The following NELL2 variants were observed in gnomAD, a reference collection of about 807,000 sequenced individuals.
NELL2 encodes neural EGFL like 2.
NELL2 carries 41 observed loss-of-function variants against 109.6 expected under a neutral mutation model. The ratio of observed to expected loss-of-function variants is 0.37; its 90% CI spans 0.29 to 0.49. The LOEUF is 0.49. Ranked by LOEUF, NELL2 falls within the 20% of genes least tolerant of loss-of-function variation. The pLI is 0.98. For synonymous variants in NELL2, 355 were observed against 344.7 expected (o/e 1.03, Z -0.33); for missense variants, 900 against 1,008.3 (o/e 0.89, Z 1.45).
intron 9 of NELL2, among the ~76,000 whole-genome samples, chr12:44,767,651 GAAATA>G (rs1259261326): frequency 6.6e-6 from 1 of 152,040 alleles, no homozygotes; most frequent in Non-Finnish European, 1.5e-5. Flanking sequence ...AGAGAGGGAA[GAAATA>G]AAATAATAAA....
chr12:44,668,060 C>T (rs1286553107), intron 12 of NELL2, among the ~76,000 whole-genome samples: 2 of 152,108 alleles, frequency 1.3e-5, no homozygotes, highest in East Asian at 3.9e-4. Flanking sequence ...TCCTGAGGCC[C>T]AAAAGCCCCT....
At chr12:44,546,217 C>T (rs1334441329) in intron 15 of NELL2, among the ~76,000 whole-genome samples, 2 of 152,114 alleles carry the variant, frequency 1.3e-5, no homozygotes, top group South Asian at 2.1e-4. Context: ...CTCACTGATG[C>T]CAATAAACAA....
At chr12:44,848,009 C>A (rs551102138) in intron 2 of NELL2, among the ~76,000 whole-genome samples, 1 of 135,972 alleles carries the variant, frequency 7.4e-6, no homozygotes, top group East Asian at 2.1e-4. Context: ...CCGGTCTGGG[C>A]GACAGAGTGA....
At chr12:44,574,738 G>A (rs1285839947) in intron 15 of NELL2, among the ~76,000 whole-genome samples, 1 of 152,014 alleles carries the variant, frequency 6.6e-6, no homozygotes, top group African/African-American at 2.4e-5. Context: ...TCAGAGATTT[G>A]GCACATATGT....
At chr12:44,632,991 A>C (rs1465062185) in intron 13 of NELL2, among the ~76,000 whole-genome samples, 1 of 152,134 alleles carries the variant, frequency 6.6e-6, no homozygotes, top group African/African-American at 2.4e-5. Context: ...AAAAACCAAA[A>C]TAGGGAGAAT....
chr12:44,738,118 T>C (rs1214866040), intron 9 of NELL2, among the ~76,000 whole-genome samples: 2 of 152,146 alleles, frequency 1.3e-5, no homozygotes, highest in Non-Finnish European at 1.5e-5. Context: ...CTTGAACATA[T>C]CTCTAACACG....
chr12:44,744,931 G>A (rs964882428), intron 9 of NELL2, among the ~76,000 whole-genome samples: 1 of 152,112 alleles, frequency 6.6e-6, no homozygotes, highest in African/African-American at 2.4e-5. Context: ...GAAAAAGAGG[G>A]AATCCTCCCT....
chr12:44,855,407 C>T (rs1944654694), intron 2 of NELL2, among the ~76,000 whole-genome samples: 1 of 152,164 alleles, frequency 6.6e-6, no homozygotes, highest in Non-Finnish European at 1.5e-5. Context: ...TAGAATAACA[C>T]AAAATCAGTC....
chr12:44,686,999 C>T (rs533433109), intron 12 of NELL2, among the ~76,000 whole-genome samples: 20 of 152,312 alleles, frequency 1.3e-4, no homozygotes, highest in African/African-American at 4.1e-4. Flanking sequence ...CAATGGTGGG[C>T]GCCCCTCCCC....
intron 19 of NELL2, among the ~76,000 whole-genome samples, chr12:44,516,015 T>C (rs1941241439): frequency 6.6e-6 from 1 of 151,856 alleles, no homozygotes; most frequent in East Asian, 1.9e-4. Flanking sequence ...ATTATTATCA[T>C]GACCAGTACT....
At chr12:44,567,432 T>C (rs1293928218) in intron 15 of NELL2, among the ~76,000 whole-genome samples, 1 of 152,166 alleles carries the variant, frequency 6.6e-6, no homozygotes, top group African/African-American at 2.4e-5. Context: ...AAAAAATTGT[T>C]CTTGAAATAG....
intron 3 of NELL2, among the ~76,000 whole-genome samples, chr12:44,815,112 AT>A (rs2094600715): frequency 6.6e-6 from 1 of 152,182 alleles, no homozygotes. Flanking sequence ...AGAAGGAATA[AT>A]CTTAAACTAT....
chr12:44,660,557 T>C (rs1161156260), intron 13 of NELL2, among the ~76,000 whole-genome samples: 1 of 152,164 alleles, frequency 6.6e-6, no homozygotes, highest in Non-Finnish European at 1.5e-5. Context: ...CTCCAGATAT[T>C]TTCAAGTATC....
chr12:44,562,953 TG>T (rs1943522223), intron 15 of NELL2, among the ~76,000 whole-genome samples: 1 of 152,190 alleles, frequency 6.6e-6, no homozygotes, highest in South Asian at 2.1e-4. Flanking sequence ...AAAGAAAATG[TG>T]GCACATATAT....
chr12:44,836,169 G>A (rs1566500481), intron 2 of NELL2, among the ~76,000 whole-genome samples: 1 of 152,196 alleles, frequency 6.6e-6, no homozygotes, highest in Non-Finnish European at 1.5e-5. Flanking sequence ...CAACAGATTG[G>A]AACACACAGA....
chr12:44,747,594 C>T (rs1019705698), intron 9 of NELL2, among the ~76,000 whole-genome samples: 2 of 151,978 alleles, frequency 1.3e-5, no homozygotes, highest in South Asian at 4.1e-4. Flanking sequence ...CAAATTTATA[C>T]GTGGATTTTT....
chr12:44,847,048 A>G (rs1203169791), intron 2 of NELL2, among the ~76,000 whole-genome samples: 1 of 152,198 alleles, frequency 6.6e-6, no homozygotes, highest in African/African-American at 2.4e-5. Flanking sequence ...CTCCCATACT[A>G]TGCAATGCCT....
At chr12:44,553,357 C>T (rs1413617137) in intron 15 of NELL2, among the ~76,000 whole-genome samples, 4 of 151,838 alleles carry the variant, frequency 2.6e-5, no homozygotes, top group Non-Finnish European at 5.9e-5. Flanking sequence ...ACCTTTGACC[C>T]TAAGAAAGTA....
Position 44,717,722 on chromosome 12 carries a change from G to A in NELL2, c.995-2981C>T, listed in dbSNP as rs1034654633. The stretch of plus-strand genomic sequence containing the variant: ...ATGGAGGAGAGGCTGCCTTGTAAAA[G>A]CTGTAATCATGAGAGCACAGCTACT... On this transcript the variant is annotated intron_variant, in intron 9 of 19. Transcript: ENST00000429094. Among the ~76,000 whole-genome samples the A allele has an allele frequency of 2.0e-5, 3 of 152,186 alleles. No homozygotes were observed. In the South Asian group the frequency reaches 6.2e-4, roughly 32 times the overall value.
Sources: gnomAD v4.1 joint callset for allele counts (sites outside exome capture counted in the v4.1 genomes callset) on GRCh38, gnomAD v4.1.1 for gene constraint, MANE v1.5 for transcripts, NCBI Gene and HGNC (gene_info 2026-07-23, HGNC 2026-07-21) for gene names.